The following GRIK1 variants were observed in gnomAD, a reference collection of about 807,000 sequenced individuals.
GRIK1 encodes the protein glutamate receptor ionotropic, kainate 1.
A neutral mutation model predicts 105.7 loss-of-function variants in GRIK1; 69 were observed. The observed-to-expected ratio is 0.65, with a 90% CI of 0.54 to 0.80. The LOEUF is 0.80. GRIK1 is among the 30% of genes least tolerant of loss of function. The probability of loss-of-function intolerance (pLI) is 0.00; values close to 1 mark genes in which losing one functional copy is unlikely to be tolerated. For missense variants in GRIK1, 1,109 were observed against 1,167.3 expected (o/e 0.95, Z 0.73); for synonymous variants, 438 against 431.3 (o/e 1.02, Z -0.19).
chr21:29,762,517 A>G (rs1168898418), intron 1 of GRIK1, among the ~76,000 whole-genome samples: 1 of 152,220 alleles, frequency 6.6e-6, no homozygotes, highest in Non-Finnish European at 1.5e-5. Flanking sequence ...GATAATTGCT[A>G]TTCTAATTTC....
intron 3 of GRIK1, among the ~76,000 whole-genome samples, chr21:29,685,707 A>G (rs1438113277): frequency 6.6e-6 from 1 of 152,186 alleles, no homozygotes; most frequent in Non-Finnish European, 1.5e-5. Flanking sequence ...AGAACATGAC[A>G]CCCCAAAATA....
intron 15 of GRIK1, among the ~76,000 whole-genome samples, chr21:29,560,511 C>CTTTCTTT (rs1568815314): frequency 0.026 from 1,053 of 40,138 alleles, 159 homozygotes; most frequent in African/African-American, 0.035. Context: ...TTCCTTCCTT[C>CTTTCTTT]CTTCCTTCCT....
intron 4 of GRIK1, chr21:29,657,520 T>C (rs981681007): frequency 6.6e-6 from 1 of 152,210 alleles, no homozygotes; most frequent in Non-Finnish European, 1.5e-5. Context: ...GTACACATTT[T>C]ATTTGCTGTA....
intron 15 of GRIK1, among the ~76,000 whole-genome samples, chr21:29,560,513 TTC>T (rs1568815379): frequency 0.041 from 1,567 of 38,428 alleles, 279 homozygotes; most frequent in African/African-American, 0.058. Context: ...CCTTCCTTCC[TTC>T]CTTCCTTTCT....
intron 7 of GRIK1, among the ~76,000 whole-genome samples, chr21:29,639,166 C>G (rs2062458661): frequency 1.3e-5 from 2 of 152,184 alleles, no homozygotes; most frequent in African/African-American, 4.8e-5. Flanking sequence ...CACAGTGTGT[C>G]CTGAAGCACT....
At chr21:29,891,365 C>T (rs550873659) in intron 1 of GRIK1, among the ~76,000 whole-genome samples, 8 of 152,232 alleles carry the variant, frequency 5.3e-5, no homozygotes, top group South Asian at 2.1e-4. Flanking sequence ...TGAGTCTATA[C>T]CCTGTGTAGG....
chr21:29,870,113 C>T (rs764221002), intron 1 of GRIK1, among the ~76,000 whole-genome samples: 1 of 152,096 alleles, frequency 6.6e-6, no homozygotes, highest in African/African-American at 2.4e-5. Context: ...AATTCAAATG[C>T]AATTGAGCAT....
chr21:29,730,721 A>G (rs754994227), intron 1 of GRIK1, among the ~76,000 whole-genome samples: 2 of 152,036 alleles, frequency 1.3e-5, no homozygotes, highest in Non-Finnish European at 2.9e-5. Context: ...TATTTATTTT[A>G]CCATTCTCTC....
rs192339120 is a variant in GRIK1, at chr21:29,576,640, A to G, written c.2130+324T>C. On this transcript the variant is annotated intron_variant, in intron 14 of 17. Transcript: ENST00000327783. Reference sequence around the variant, plus strand: ...GGTTCTATAAATGAGTGATTAATTAATGAGTGGTTAGATTGTATTCAGATT... The same window carrying G: ...GGTTCTATAAATGAGTGATTAATTAGTGAGTGGTTAGATTGTATTCAGATT... Among the ~76,000 whole-genome samples the G allele has an allele frequency of 2.7e-3, 410 of 152,236 alleles. 2 individuals carry two copies. Among genetic ancestry groups the G allele is most frequent in the Non-Finnish European group, 4.0e-3 (271 of 68,016 alleles).
At chr21:29,897,599 T>A (rs550334817) in intron 1 of GRIK1, among the ~76,000 whole-genome samples, 1 of 152,194 alleles carries the variant, frequency 6.6e-6, no homozygotes, top group Non-Finnish European at 1.5e-5. Context: ...CAAAACAAAT[T>A]TGAAAAGCTG....
intron 1 of GRIK1, among the ~76,000 whole-genome samples, chr21:29,916,894 T>A (rs2071019394): frequency 6.6e-6 from 1 of 151,962 alleles, no homozygotes; most frequent in Non-Finnish European, 1.5e-5. Flanking sequence ...ACTGATGACA[T>A]GAAACATACA....
chr21:29,881,520 A>T (rs180762345), intron 1 of GRIK1, among the ~76,000 whole-genome samples: 2 of 152,214 alleles, frequency 1.3e-5, no homozygotes, highest in East Asian at 1.9e-4. Context: ...CATCTAACAC[A>T]TGTATCTGGA....
intron 7 of GRIK1, among the ~76,000 whole-genome samples, chr21:29,613,749 A>G (rs1377451960): frequency 6.6e-6 from 1 of 152,226 alleles, no homozygotes; most frequent in Non-Finnish European, 1.5e-5. Context: ...TTAGTCATTG[A>G]TGATAAACAA....
At chr21:29,748,300 G>A (rs527304196) in intron 1 of GRIK1, 1 of 152,360 alleles carries the variant, frequency 6.6e-6, no homozygotes, top group South Asian at 2.1e-4. Context: ...CCTCACGAGA[G>A]GTAGGATCAC....
intron 7 of GRIK1, among the ~76,000 whole-genome samples, chr21:29,603,018 A>C (rs541387667): frequency 2.0e-5 from 3 of 152,274 alleles, no homozygotes; most frequent in Admixed American, 2.0e-4. Flanking sequence ...CAGGGATAGC[A>C]CAATTCCTCC....
chr21:29,756,177 C>A (rs886779691), intron 1 of GRIK1, among the ~76,000 whole-genome samples: 1 of 151,986 alleles, frequency 6.6e-6, no homozygotes, highest in East Asian at 1.9e-4. Context: ...GTCAGGAGAT[C>A]GAGTTCAACC....
intron 7 of GRIK1, among the ~76,000 whole-genome samples, chr21:29,642,011 G>A (rs998651183): frequency 6.6e-6 from 1 of 152,138 alleles, no homozygotes; most frequent in Admixed American, 6.5e-5. Context: ...CTAAATGTCT[G>A]TATCCCATAG....
At chr21:29,696,630 T>G (rs575721138) in intron 1 of GRIK1, among the ~76,000 whole-genome samples, 23 of 152,358 alleles carry the variant, frequency 1.5e-4, no homozygotes, top group Non-Finnish European at 2.5e-4. Flanking sequence ...ACAGTGATTA[T>G]GAACAATGAC....
chr21:29,722,745 T>A (rs1355947517), intron 1 of GRIK1, among the ~76,000 whole-genome samples: 2 of 152,168 alleles, frequency 1.3e-5, no homozygotes, highest in Non-Finnish European at 2.9e-5. Flanking sequence ...ATTATTAATT[T>A]CCTATCCATT....
Sources: gnomAD v4.1 joint callset for allele counts (sites outside exome capture counted in the v4.1 genomes callset) on GRCh38, gnomAD v4.1.1 for gene constraint, MANE v1.5 for transcripts, NCBI Gene and HGNC (gene_info 2026-07-23, HGNC 2026-07-21) for gene names.